Variants in THADA observed in about 807,000 individuals in gnomAD.
THADA encodes the protein THADA armadillo repeat containing, also known as tRNA (32-2'-O)-methyltransferase regulator THADA.
In THADA, 213 loss-of-function variants were observed where a neutral mutation model predicts 219.8. The observed-to-expected ratio is 0.97, with a 90% CI of 0.87 to 1.09. The LOEUF (loss-of-function observed/expected upper bound fraction) is 1.09, where lower values mean the gene tolerates loss of function less well. Ranked by LOEUF, THADA falls within the 50% of genes least tolerant of loss-of-function variation. THADA has a pLI of 0.00. For missense variants in THADA, 2,956 were observed against 2,311.3 expected, an observed-to-expected ratio of 1.28 and a Z score of -5.72; for synonymous variants, 1,018 against 828.9, an observed-to-expected ratio of 1.23 and a Z score of -3.92.
chr2:43,411,523 ATATTTTGAACAGCCT>A (rs1359290759), intron 28 of THADA, among the ~76,000 whole-genome samples: 2 of 152,146 alleles, frequency 1.3e-5, no homozygotes, highest in African/African-American at 4.8e-5. Context: ...CTGCTTTCTA[ATATTTTGAACAGCCT>A]TTTAATTTGC....
chr2:43,542,807 C>T (rs1201133288), intron 20 of THADA, among the ~76,000 whole-genome samples: 1 of 152,236 alleles, frequency 6.6e-6, no homozygotes, highest in African/African-American at 2.4e-5. Flanking sequence ...TCTGTTCTAA[C>T]AGCTTGTTCG....
chr2:43,354,463 TTCTA>T (rs1232881600), intron 29 of THADA, among the ~76,000 whole-genome samples: 6 of 151,984 alleles, frequency 3.9e-5, no homozygotes, highest in Non-Finnish European at 8.8e-5. Context: ...ATATTATTCA[TTCTA>T]TCTAATTAAC....
intron 29 of THADA, among the ~76,000 whole-genome samples, chr2:43,352,333 G>A (rs1312901902): frequency 6.6e-6 from 1 of 152,114 alleles, no homozygotes; most frequent in East Asian, 1.9e-4. Context: ...CGAGGTAAGT[G>A]GATCACCTGA....
At chr2:43,387,660 C>A (rs535396061) in intron 29 of THADA, among the ~76,000 whole-genome samples, 2 of 152,156 alleles carry the variant, frequency 1.3e-5, no homozygotes, top group African/African-American at 4.8e-5. Context: ...CCCCCGCCTC[C>A]GCCCCCTGCC....
At chr2:43,520,537 G>C (rs1444696392) in intron 22 of THADA, among the ~76,000 whole-genome samples, 1 of 151,766 alleles carries the variant, frequency 6.6e-6, no homozygotes, top group Non-Finnish European at 1.5e-5. Context: ...AAAATACAAA[G>C]AAATTAGCCA....
At chr2:43,297,858 C>T (rs1281520561) in intron 31 of THADA, among the ~76,000 whole-genome samples, 1 of 117,854 alleles carries the variant, frequency 8.5e-6, no homozygotes, top group Non-Finnish European at 1.7e-5. Context: ...CCAGCCGCCC[C>T]GTCCGGGAGG....
At position 43,264,442 on chromosome 2, in the gene THADA, C is replaced by T. The variant is rs151251736; in HGVS notation, c.5296+15323G>A. 9.7e-3 allele frequency among the ~76,000 whole-genome samples: 1,481 copies of T among 152,002 alleles called. 23 individuals are homozygous for T. The highest frequency in any genetic ancestry group is 0.034 in the African/African-American group (1,407 of 41,466). On this transcript the variant is annotated intron_variant, in intron 36 of 37. Transcript: ENST00000405975. ...CTGGGATTACAGGCATGCACTACCACGCCTGGCTAATTTTGTATTTTTAGT... is the reference window on the plus strand; with the variant it reads ...CTGGGATTACAGGCATGCACTACCATGCCTGGCTAATTTTGTATTTTTAGT...
intron 21 of THADA, among the ~76,000 whole-genome samples, chr2:43,537,177 G>A (rs1436795293): frequency 6.6e-6 from 1 of 152,168 alleles, no homozygotes; most frequent in African/African-American, 2.4e-5. Flanking sequence ...AACAACAAAG[G>A]TAATAATTTT....
At chr2:43,388,757 A>G (rs754243067) in intron 29 of THADA, among the ~76,000 whole-genome samples, 2 of 152,218 alleles carry the variant, frequency 1.3e-5, no homozygotes, top group Non-Finnish European at 2.9e-5. Context: ...ATAACACATA[A>G]AGTCAAAATT....
chr2:43,346,087 A>G (rs560826077), intron 29 of THADA, among the ~76,000 whole-genome samples: 1 of 152,238 alleles, frequency 6.6e-6, no homozygotes, highest in African/African-American at 2.4e-5. Flanking sequence ...AGGTACGCTG[A>G]AAAGAACTGT....
At chr2:43,388,360 A>C (rs1281075701) in intron 29 of THADA, among the ~76,000 whole-genome samples, 1 of 152,202 alleles carries the variant, frequency 6.6e-6, no homozygotes, top group African/African-American at 2.4e-5. Flanking sequence ...CAGTCATATG[A>C]AGTCTCAGAC....
chr2:43,466,420 T>C (rs1049759509), intron 26 of THADA, among the ~76,000 whole-genome samples: 1 of 152,160 alleles, frequency 6.6e-6, no homozygotes, highest in East Asian at 1.9e-4. Context: ...ACAGGAAGTT[T>C]TGCCTAACAG....
chr2:43,399,956 A>C (rs1180842363), intron 28 of THADA, among the ~76,000 whole-genome samples: 15 of 152,218 alleles, frequency 9.9e-5, no homozygotes. Flanking sequence ...TTAGTAAGGC[A>C]GTCATTTGTT....
chr2:43,471,222 T>G (rs1013334000), intron 26 of THADA, among the ~76,000 whole-genome samples: 1 of 152,190 alleles, frequency 6.6e-6, no homozygotes, highest in African/African-American at 2.4e-5. Flanking sequence ...AGAGTATCTC[T>G]GATTATAAAG....
At chr2:43,406,827 G>A (rs1675592517) in intron 28 of THADA, among the ~76,000 whole-genome samples, 2 of 151,868 alleles carry the variant, frequency 1.3e-5, no homozygotes, top group South Asian at 2.1e-4. Context: ...AAAGCATTCC[G>A]GATCTACCCT....
chr2:43,265,112 A>G (rs1671371301), intron 36 of THADA, among the ~76,000 whole-genome samples: 2 of 152,138 alleles, frequency 1.3e-5, no homozygotes, highest in African/African-American at 4.8e-5. Context: ...TCGAATTTAA[A>G]ATATTTGGCC....
intron 20 of THADA, among the ~76,000 whole-genome samples, chr2:43,547,532 T>C (rs1006338463): frequency 1.1e-4 from 17 of 152,244 alleles, no homozygotes; most frequent in Non-Finnish European, 1.9e-4. Flanking sequence ...TCTTTTCACA[T>C]AGTCCCATAT....
intron 16 of THADA, among the ~76,000 whole-genome samples, chr2:43,558,328 T>G (rs1697639332): frequency 6.6e-6 from 1 of 152,156 alleles, no homozygotes; most frequent in Non-Finnish European, 1.5e-5. Context: ...TTATATATTA[T>G]ATAAGGGACA....
intron 21 of THADA, among the ~76,000 whole-genome samples, chr2:43,536,783 A>G (rs1694665404): frequency 6.6e-6 from 1 of 152,160 alleles, no homozygotes; most frequent in African/African-American, 2.4e-5. Flanking sequence ...TGTACTACTA[A>G]CGCAAAGTAA....
Sources: gnomAD v4.1 joint callset for allele counts (sites outside exome capture counted in the v4.1 genomes callset) on GRCh38, gnomAD v4.1.1 for gene constraint, MANE v1.5 for transcripts, NCBI Gene and HGNC (gene_info 2026-07-23, HGNC 2026-07-21) for gene names.